SFMBT2: variants seen among roughly 807,000 people sequenced by gnomAD.
SFMBT2 encodes scm-like with four MBT domains protein 2.
A neutral mutation model predicts 110.1 loss-of-function variants in SFMBT2; 38 were observed. The ratio of observed to expected loss-of-function variants is 0.35; its 90% CI spans 0.27 to 0.45. SFMBT2 has a LOEUF of 0.45. Ranked by LOEUF, SFMBT2 falls within the 20% of genes least tolerant of loss-of-function variation. The pLI, the probability that SFMBT2 is intolerant of heterozygous loss-of-function variation, is 1.00. For synonymous variants in SFMBT2, 425 were observed against 425.4 expected (o/e 1.00, Z 0.01); for missense variants, 1,011 against 1,094.9 (o/e 0.92, Z 1.08).
chr10:7,352,573 T>C (rs1588472802), intron 4 of SFMBT2, among the ~76,000 whole-genome samples: 1 of 152,152 alleles, frequency 6.6e-6, no homozygotes, highest in East Asian at 1.9e-4. Flanking sequence ...AAAGAAATGC[T>C]ATCTCAGAGA....
intron 2 of SFMBT2, among the ~76,000 whole-genome samples, chr10:7,381,291 G>A (rs949209970): frequency 2.2e-4 from 33 of 152,208 alleles, no homozygotes; most frequent in African/African-American, 7.0e-4. Flanking sequence ...CATCTACTAC[G>A]TAGGCAGATC....
At chr10:7,399,240 GT>G (rs944216469) in intron 1 of SFMBT2, among the ~76,000 whole-genome samples, 3 of 148,320 alleles carry the variant, frequency 2.0e-5, no homozygotes, top group East Asian at 3.9e-4. Flanking sequence ...GTTTTGTTTT[GT>G]TTTTTTTTTG....
intron 4 of SFMBT2, among the ~76,000 whole-genome samples, chr10:7,325,215 G>A (rs753305659): frequency 3.9e-5 from 6 of 151,904 alleles, no homozygotes; most frequent in African/African-American, 9.7e-5. Context: ...TGATCCACCC[G>A]CCTTAGCCTC....
Position 7,172,083 on chromosome 10 carries a change from C to A in SFMBT2, c.2227G>T (p.Asp743Tyr). ...TCCGCCGACGAGGTGTCCGTCTGGT[C>A]ATCCCGGAGCTCGGAGCCGGTCTCC... ...SEETGSELRD[D>Y]QTDTSSAEVP... The change falls in exon 19 of 21, where the codon GAC becomes TAC. Residue 743 changes from aspartate to tyrosine, a missense_variant. Coordinates refer to ENST00000397167, the MANE Select transcript of SFMBT2 (RefSeq NM_001387889.1). This position sits in a 1 kb window ranked among gnomAD's most constrained non-coding sequence, Gnocchi z 4.6. The A allele has an allele frequency of 6.2e-7, 1 of 1,606,776 alleles. No homozygotes were observed. Among genetic ancestry groups the A allele is most frequent in the South Asian group, 1.1e-5 (1 of 90,178 alleles).
chr10:7,324,257 C>A (rs1843300644), intron 4 of SFMBT2, among the ~76,000 whole-genome samples: 1 of 152,196 alleles, frequency 6.6e-6, no homozygotes. Context: ...CACACACACA[C>A]ATTTTTTCTA....
chr10:7,312,033 C>T (rs898140272), intron 4 of SFMBT2, among the ~76,000 whole-genome samples: 2 of 151,838 alleles, frequency 1.3e-5, no homozygotes, highest in African/African-American at 2.4e-5. Context: ...ACAATGAGAA[C>T]GCTTGGACAC....
chr10:7,407,763 CG>C (rs1846258121), intron 1 of SFMBT2, among the ~76,000 whole-genome samples: 1 of 152,212 alleles, frequency 6.6e-6, no homozygotes, highest in African/African-American at 2.4e-5. Flanking sequence ...GGCTTTCCAG[CG>C]TCGTCCCGGG....
intron 11 of SFMBT2, among the ~76,000 whole-genome samples, chr10:7,217,652 A>G (rs1320910113): frequency 3.3e-5 from 5 of 152,194 alleles, no homozygotes; most frequent in African/African-American, 1.2e-4. Flanking sequence ...TAAAAAAAGG[A>G]CTGGAAATGA....
chr10:7,373,023 G>A (rs1045746134), intron 2 of SFMBT2, among the ~76,000 whole-genome samples: 6 of 152,170 alleles, frequency 3.9e-5, no homozygotes, highest in South Asian at 4.1e-4. Context: ...TTTGAATGTC[G>A]TCTGTCCCCA....
At chr10:7,284,326 C>T (rs1185841862) in intron 5 of SFMBT2, 176 bp from the exon 6 acceptor site, 2 of 1,396,626 alleles carry the variant, frequency 1.4e-6, no homozygotes, top group Non-Finnish European at 1.9e-6. Context: ...TCCCTTTCCT[C>T]CCTCCCACAC....
chr10:7,381,716 G>T, intron 2 of SFMBT2, 83 bp downstream of exon 2: 1 of 1,397,468 alleles, frequency 7.2e-7, no homozygotes. Context: ...TACAAATGTT[G>T]CCCCATTGTT....
intron 12 of SFMBT2, chr10:7,204,438 A>G (rs1325671386): frequency 2.0e-6 from 2 of 985,224 alleles, no homozygotes; most frequent in Non-Finnish European, 2.4e-6. Context: ...TCTCTTTAAC[A>G]GTTAAAACCT....
chr10:7,398,557 T>A (rs898672430), intron 1 of SFMBT2, among the ~76,000 whole-genome samples: 1 of 152,220 alleles, frequency 6.6e-6, no homozygotes, highest in African/African-American at 2.4e-5. Flanking sequence ...CATCCTTAGC[T>A]AAGCAGAAGA....
chr10:7,172,406 G>A lies in SFMBT2; in HGVS notation c.2151+89C>T, dbSNP rs139812363. 176 of 1,593,206 alleles carry A rather than the reference G, an allele frequency of 1.1e-4. 1 individual carries two copies. The East Asian group carries it at 3.7e-3, about 33-fold the overall frequency. ...TCTGACCATCTTGCCACAATCTCCAGGGCCACCTCTGCTGTGAAGCAGCCA... is the reference window on the plus strand; with the variant it reads ...TCTGACCATCTTGCCACAATCTCCAAGGCCACCTCTGCTGTGAAGCAGCCA... On this transcript the variant is annotated intron_variant, in intron 18 of 20. Coordinates refer to ENST00000397167, the MANE Select transcript of SFMBT2 (RefSeq NM_001387889.1). The surrounding 1 kb of genome is among the most constrained non-coding windows in gnomAD (Gnocchi z 4.6).
At chr10:7,287,822 A>G (rs546408071) in intron 4 of SFMBT2, among the ~76,000 whole-genome samples, 4 of 152,316 alleles carry the variant, frequency 2.6e-5, no homozygotes, top group South Asian at 2.1e-4. Flanking sequence ...CTGGGCCCCA[A>G]CGGGGGATCC....
rs41302976 is a variant in SFMBT2, at chr10:7,172,485, C to A, written c.2151+10G>T. The stretch of plus-strand genomic sequence containing the variant: ...GCTACAGGCTGGCAGGTGCCCCGGG[C>A]AGAACATACCTCCCCCGAGCCCGCG... On this transcript the variant is annotated intron_variant, in intron 18 of 20. Coordinates refer to ENST00000397167, the MANE Select transcript of SFMBT2 (RefSeq NM_001387889.1). This position sits in a 1 kb window ranked among gnomAD's most constrained non-coding sequence, Gnocchi z 4.6. The A allele has an allele frequency of 1.2e-6, 2 of 1,613,274 alleles. No individual in the cohort carries two copies. The highest frequency in any genetic ancestry group is 1.7e-6 in the Non-Finnish European group (2 of 1,179,996).
chr10:7,342,391 T>G (rs1344349931), intron 4 of SFMBT2, among the ~76,000 whole-genome samples: 9 of 135,764 alleles, frequency 6.6e-5, no homozygotes, highest in Non-Finnish European at 1.2e-4. Flanking sequence ...TGCACTGGAG[T>G]GAGTCTTTTT....
chr10:7,326,952 T>A (rs1052835863), intron 4 of SFMBT2, among the ~76,000 whole-genome samples: 1 of 152,092 alleles, frequency 6.6e-6, no homozygotes, highest in Non-Finnish European at 1.5e-5. Flanking sequence ...GGGTAATGTA[T>A]TTTAGGAAAG....
intron 6 of SFMBT2, among the ~76,000 whole-genome samples, chr10:7,279,502 C>G (rs1347565728): frequency 1.3e-5 from 2 of 152,138 alleles, no homozygotes; most frequent in Non-Finnish European, 2.9e-5. Context: ...ACAACAGTCC[C>G]CATGTGCATT....
Sources: allele counts gnomAD v4.1 joint callset (sites outside exome capture counted in the v4.1 genomes callset), GRCh38; gene constraint gnomAD v4.1.1; non-coding constraint Gnocchi (gnomAD v3.1); transcripts MANE v1.5; gene names NCBI Gene and HGNC (gene_info 2026-07-23, HGNC 2026-07-21).